Variants in CRTAC1 observed in about 807,000 individuals in gnomAD.
The protein encoded by CRTAC1 is acidic secreted protein in cartilage.
Under a neutral mutation model 67.8 loss-of-function variants are expected in CRTAC1, and 37 were observed. The observed-to-expected ratio is 0.55, with a 90% CI of 0.42 to 0.72. CRTAC1 has a LOEUF of 0.72. CRTAC1 is among the 30% of genes least tolerant of loss of function. The pLI, the probability that CRTAC1 is intolerant of heterozygous loss-of-function variation, is 0.00. For synonymous variants in CRTAC1, 348 were observed against 371.0 expected (o/e 0.94, Z 0.71); for missense variants, 780 against 931.6 (o/e 0.84, Z 2.12).
At chr10:97,872,677 T>C (rs2050106857) in intron 14 of CRTAC1, among the ~76,000 whole-genome samples, 1 of 152,138 alleles carries the variant, frequency 6.6e-6, no homozygotes, top group African/African-American at 2.4e-5. Flanking sequence ...TATAGAGAGA[T>C]GACTGATAGA....
chr10:97,914,440 G>A (rs537392723), intron 5 of CRTAC1, among the ~76,000 whole-genome samples: 4 of 152,162 alleles, frequency 2.6e-5, no homozygotes, highest in Admixed American at 6.5e-5. Context: ...TCCCATGTGC[G>A]CCTCCTTTCG....
chr10:98,030,537 C>A lies in CRTAC1; in HGVS notation c.-65G>T, dbSNP rs1388176101. 2 of 1,129,632 alleles carry A rather than the reference C, an allele frequency of 1.8e-6. No individual in the cohort carries two copies. Among genetic ancestry groups the A allele is most frequent in the Non-Finnish European group, 2.3e-6 (2 of 887,960 alleles). 70.0% of individuals were successfully genotyped at this position (1,129,632 alleles called of 1,614,324 possible). A position where few individuals can be genotyped will look rare whatever the true frequency, so the allele number is the denominator to read the frequency against. The stretch of plus-strand genomic sequence containing the variant: ...CGGGCGCTCGCTGCCGCCTCTGCCG[C>A]CGGCGCCGCCGCCTGCTTGCTCCCA... On this transcript the variant is annotated 5_prime_UTR_variant, in exon 1 of 15. Transcript: ENST00000370597. This position sits in a 1 kb window ranked among gnomAD's most constrained non-coding sequence, Gnocchi z 4.2.
chr10:97,969,411 A>G (rs1342969529), intron 2 of CRTAC1, among the ~76,000 whole-genome samples: 6 of 152,118 alleles, frequency 3.9e-5, no homozygotes, highest in Non-Finnish European at 7.4e-5. Flanking sequence ...CTCCAGCCCG[A>G]GCCTTCCTTT....
intron 2 of CRTAC1, among the ~76,000 whole-genome samples, chr10:98,001,713 C>A (rs1478058780): frequency 6.6e-6 from 1 of 152,204 alleles, no homozygotes; most frequent in East Asian, 1.9e-4. Flanking sequence ...TAGGGGAGAG[C>A]ATGGTACAAA....
chr10:97,918,273 C>T (rs1030121255), intron 4 of CRTAC1, among the ~76,000 whole-genome samples: 1 of 152,214 alleles, frequency 6.6e-6, no homozygotes, highest in Non-Finnish European at 1.5e-5. Flanking sequence ...GTCTTTATAA[C>T]ACTGTCTCAA....
chr10:97,923,316 C>T lies in CRTAC1; in HGVS notation c.506G>A (p.Arg169His), dbSNP rs1465431336. 8.1e-6 allele frequency: 13 copies of T among 1,614,158 alleles called. No homozygotes were observed. The highest frequency in any genetic ancestry group is 4.5e-5 in the East Asian group (2 of 44,870). ...DILSDEVNVA[R>H]GVASLFAGRS... The stretch of plus-strand genomic sequence containing the variant: ...TCCGGCAAAGAGGCTGGCCACACCA[C>T]GGGCCACGTTGACCTCATCGCTCAG... Residue 169 changes from arginine to histidine, a missense_variant, in exon 4 of 15, where the codon CGT (arginine) becomes CAT (histidine). Physicochemically the swap from Arg to His is conservative, Grantham distance 29. Transcript: ENST00000370597.
chr10:97,893,830 T>C (rs1009163311), intron 11 of CRTAC1, among the ~76,000 whole-genome samples: 4 of 152,214 alleles, frequency 2.6e-5, no homozygotes, highest in African/African-American at 9.6e-5. Context: ...GAATGTTATG[T>C]AAACAAAAAT....
At chr10:98,013,197 C>A (rs924347585) in intron 1 of CRTAC1, among the ~76,000 whole-genome samples, 7 of 152,156 alleles carry the variant, frequency 4.6e-5, no homozygotes, top group African/African-American at 1.7e-4. Context: ...CTGGCAGTGG[C>A]TGGAAAGAGT....
intron 4 of CRTAC1, among the ~76,000 whole-genome samples, chr10:97,921,182 G>A (rs1054825871): frequency 6.6e-6 from 1 of 152,182 alleles, no homozygotes; most frequent in Non-Finnish European, 1.5e-5. Context: ...GTGGGGCGGG[G>A]CCTGAGAATG....
At chr10:97,988,527 T>C (rs764691462) in intron 2 of CRTAC1, among the ~76,000 whole-genome samples, 4 of 151,960 alleles carry the variant, frequency 2.6e-5, no homozygotes, top group Non-Finnish European at 5.9e-5. Flanking sequence ...TTTGAGACCA[T>C]CCTGGCCAAC....
intron 1 of CRTAC1, among the ~76,000 whole-genome samples, chr10:98,016,392 A>G (rs145737557): frequency 6.6e-6 from 1 of 152,284 alleles, no homozygotes; most frequent in African/African-American, 2.4e-5. Flanking sequence ...GCAATTTGTC[A>G]TAGGTGTTTA....
At chr10:97,931,987 G>A (rs1416473549) in intron 3 of CRTAC1, among the ~76,000 whole-genome samples, 3 of 152,154 alleles carry the variant, frequency 2.0e-5, no homozygotes, top group Non-Finnish European at 4.4e-5. Flanking sequence ...CTACTCAGTG[G>A]CTTGTATTTT....
At chr10:98,017,409 C>G (rs887416927) in intron 1 of CRTAC1, among the ~76,000 whole-genome samples, 2 of 151,962 alleles carry the variant, frequency 1.3e-5, no homozygotes, top group African/African-American at 4.8e-5. Flanking sequence ...CAGGGTGCCT[C>G]GGTAAGGGAT....
At chr10:97,909,180 C>T (rs1396001333) in intron 5 of CRTAC1, among the ~76,000 whole-genome samples, 2 of 152,106 alleles carry the variant, frequency 1.3e-5, no homozygotes, top group African/African-American at 4.8e-5. Flanking sequence ...AGAAGTCTAA[C>T]CTTAATACGT....
chr10:97,922,077 C>A (rs552210053), intron 4 of CRTAC1, among the ~76,000 whole-genome samples: 1 of 152,032 alleles, frequency 6.6e-6, no homozygotes, highest in Non-Finnish European at 1.5e-5. Flanking sequence ...TGGTCCTGAA[C>A]GGGTGAGATG....
intron 2 of CRTAC1, among the ~76,000 whole-genome samples, chr10:97,973,421 T>C (rs2051746989): frequency 6.6e-6 from 1 of 150,542 alleles, no homozygotes. Flanking sequence ...AGTGATTTCC[T>C]ACTTATGTTT....
chr10:97,883,105 C>T lies in CRTAC1; in HGVS notation c.1633-277G>A, dbSNP rs144921771. Among the ~76,000 whole-genome samples, 917 of 152,338 alleles carry T rather than the reference C, an allele frequency of 6.0e-3. 9 individuals carry two copies. Among genetic ancestry groups the T allele is most frequent in the African/African-American group, 0.021 (886 of 41,568 alleles). ...GCTGGGACGTCTAACAGAACCTGTC[C>T]CTTCTGTAGCATCACCCTGTGACTG... is the stretch of plus-strand genomic sequence containing the variant. On this transcript the variant is annotated intron_variant, in intron 12 of 14. Transcript: ENST00000370597.
chr10:97,865,797 C>A, intron 14 of CRTAC1, 83 bp from the exon 15 acceptor site: 1 of 714,394 alleles, frequency 1.4e-6, no homozygotes, highest in Non-Finnish European at 2.0e-6. Flanking sequence ...CTGAGTCATT[C>A]TTTGGGCTCA....
intron 2 of CRTAC1, among the ~76,000 whole-genome samples, chr10:97,997,581 C>T (rs1043852631): frequency 6.6e-6 from 1 of 151,308 alleles, no homozygotes; most frequent in Non-Finnish European, 1.5e-5. Flanking sequence ...ACTAAGAACA[C>T]ATTTAACACC....
Sources: gnomAD v4.1 joint callset for allele counts (sites outside exome capture counted in the v4.1 genomes callset) on GRCh38, gnomAD v4.1.1 for gene constraint, Gnocchi (gnomAD v3.1) non-coding constraint, MANE v1.5 for transcripts, NCBI Gene and HGNC (gene_info 2026-07-23, HGNC 2026-07-21) for gene names.